The following PLCH1 variants were observed in gnomAD, a reference collection of about 807,000 sequenced individuals.
PLCH1 encodes the protein 1-phosphatidylinositol 4,5-bisphosphate phosphodiesterase eta-1.
In PLCH1, 60 loss-of-function variants were observed where a neutral mutation model predicts 126.7. That is an observed-to-expected ratio of 0.47 (90% confidence interval 0.38 to 0.59). PLCH1 has a LOEUF of 0.59. PLCH1 is among the 20% of genes least tolerant of loss of function. The pLI, the probability that PLCH1 is intolerant of heterozygous loss-of-function variation, is 0.00. For missense variants in PLCH1, 1,723 were observed against 2,040.0 expected, an observed-to-expected ratio of 0.84 and a Z score of 2.99; for synonymous variants, 719 against 734.9, an observed-to-expected ratio of 0.98 and a Z score of 0.35.
intron 14 of PLCH1, among the ~76,000 whole-genome samples, chr3:155,498,285 T>C (rs1287615200): frequency 6.6e-6 from 1 of 152,236 alleles, no homozygotes; most frequent in Non-Finnish European, 1.5e-5. Flanking sequence ...TGCAAAGCAC[T>C]TCCTTGAAGT....
intron 8 of PLCH1, among the ~76,000 whole-genome samples, chr3:155,556,868 A>G (rs560505235): frequency 1.1e-3 from 167 of 152,312 alleles, no homozygotes; most frequent in African/African-American, 3.4e-3. Flanking sequence ...ACGAATCTCA[A>G]TCTCTTGCTT....
At chr3:155,491,374 C>T (rs1716169281) in intron 18 of PLCH1, among the ~76,000 whole-genome samples, 1 of 152,118 alleles carries the variant, frequency 6.6e-6, no homozygotes, top group African/African-American at 2.4e-5. Context: ...AGCCATCCTC[C>T]CACCTCAGCC....
intron 6 of PLCH1, among the ~76,000 whole-genome samples, chr3:155,571,858 A>G (rs1255487921): frequency 1.3e-5 from 2 of 152,204 alleles, no homozygotes; most frequent in African/African-American, 4.8e-5. Flanking sequence ...CAGCATAATT[A>G]TATCATCCAG....
chr3:155,675,239 A>G (rs900069930), intron 2 of PLCH1, among the ~76,000 whole-genome samples: 2 of 152,214 alleles, frequency 1.3e-5, no homozygotes, highest in African/African-American at 4.8e-5. Flanking sequence ...GTAGACGCAT[A>G]TGAATAACCT....
intron 10 of PLCH1, among the ~76,000 whole-genome samples, chr3:155,529,644 C>A (rs755606870): frequency 9.2e-5 from 14 of 152,168 alleles, no homozygotes; most frequent in Non-Finnish European, 1.5e-4. Flanking sequence ...ATCATCTGAA[C>A]CTTTGGCAAA....
chr3:155,474,883 C>T (rs11716230), downstream of PLCH1, among the ~76,000 whole-genome samples: 28,840 of 119,030 alleles, frequency 0.24, 3,820 homozygotes, highest in East Asian at 0.39. Context: ...ACAATGAGAT[C>T]ACATGGACAC....
intron 7 of PLCH1, 48 bp from the exon 8 acceptor site, chr3:155,565,166 C>T: frequency 7.6e-7 from 1 of 1,312,710 alleles, no homozygotes; most frequent in Non-Finnish European, 1.1e-6. Context: ...AGCATATATA[C>T]TTAATGGCTC....
intron 2 of PLCH1, among the ~76,000 whole-genome samples, chr3:155,660,297 C>T (rs1163403090): frequency 2.0e-5 from 3 of 152,212 alleles, no homozygotes; most frequent in Non-Finnish European, 2.9e-5. Flanking sequence ...CTTTTACCAA[C>T]CTATTCTCTC....
chr3:155,633,603 A>T lies in PLCH1; in HGVS notation c.80-37225T>A, dbSNP rs937529418. Among the ~76,000 whole-genome samples the T allele has an allele frequency of 9.8e-5, 15 of 152,314 alleles. 1 individual carries two copies. In the South Asian group the frequency reaches 2.5e-3, roughly 25 times the overall value. ...GTAAATGCTAAGTAGTTGATGAATA[A>T]ATCAAAAGATAAATTATAGCAGAAA... On this transcript the variant is annotated intron_variant, in intron 2 of 22. Transcript: ENST00000460012.
chr3:155,505,524 A>G, intron 12 of PLCH1, among the ~76,000 whole-genome samples: 1 of 152,176 alleles, frequency 6.6e-6, no homozygotes, highest in Admixed American at 6.6e-5. Context: ...GAGAAAAAAC[A>G]GTTAAAGCCA....
intron 6 of PLCH1, among the ~76,000 whole-genome samples, chr3:155,576,593 A>C (rs1729992129): frequency 6.6e-6 from 1 of 152,208 alleles, no homozygotes; most frequent in African/African-American, 2.4e-5. Flanking sequence ...GTGATATTTC[A>C]TTTCACAACT....
rs148958220 is a variant in PLCH1 at position 155,599,931 on chromosome 3, A to G, written c.80-3553T>C. Among the ~76,000 whole-genome samples the G allele has an allele frequency of 3.0e-3, 454 of 152,318 alleles. 3 individuals carry two copies. Among genetic ancestry groups the G allele is most frequent in the African/African-American group, 0.01 (424 of 41,574 alleles). On this transcript the variant is annotated intron_variant, in intron 2 of 22. Coordinates refer to ENST00000460012, the MANE Select transcript of PLCH1 (RefSeq NM_014996.4). ...GAACGGTATATCTGCACATTGTTTT[A>G]GCATAAAATCATATAAATCATATAA... is the stretch of plus-strand genomic sequence containing the variant.
chr3:155,523,256 G>A (rs567872243), intron 11 of PLCH1, among the ~76,000 whole-genome samples: 6 of 152,302 alleles, frequency 3.9e-5, no homozygotes, highest in East Asian at 1.9e-4. Context: ...GATTACAGGC[G>A]TGAGCCACCG....
intron 2 of PLCH1, among the ~76,000 whole-genome samples, chr3:155,644,496 G>A (rs952192052): frequency 5.9e-5 from 9 of 152,096 alleles, no homozygotes; most frequent in South Asian, 2.1e-4. Context: ...CCAACTACTC[G>A]GGAGGCTAAG....
rs558805653 is a variant in PLCH1 at position 155,551,321 on chromosome 3, G to A, written c.1191-1363C>T. Reference sequence around the variant, plus strand: ...TTAGCCAGGCATTGTGGCACGTGCCGGTAATCCCAGATACTCAGGAGGCTG... The same window carrying A: ...TTAGCCAGGCATTGTGGCACGTGCCAGTAATCCCAGATACTCAGGAGGCTG... On this transcript the variant is annotated intron_variant, in intron 9 of 22. Transcript: ENST00000460012. 1.1e-4 allele frequency among the ~76,000 whole-genome samples: 16 copies of A among 151,470 alleles called. No individual in the cohort carries two copies. The South Asian group carries it at 1.7e-3, about 16-fold the overall frequency.
intron 2 of PLCH1, among the ~76,000 whole-genome samples, chr3:155,683,116 T>C (rs358899): frequency 0.2 from 30,679 of 152,142 alleles, 3,473 homozygotes; most frequent in East Asian, 0.45. Context: ...TTTAAGCATC[T>C]GAATCTCAAA....
intron 21 of PLCH1, among the ~76,000 whole-genome samples, chr3:155,468,462 A>G (rs560087497): frequency 6.6e-6 from 1 of 152,276 alleles, no homozygotes; most frequent in African/African-American, 2.4e-5. Flanking sequence ...TGAATAATGA[A>G]AAACAAGACC....
At position 155,733,870 on chromosome 3, in the gene PLCH1, A is replaced by ATTTGTTTT. The variant is rs1358492276; in HGVS notation, c.-41+10969_-41+10970insAAAACAAA. Among the ~76,000 whole-genome samples, 6 of 148,140 alleles carry ATTTGTTTT rather than the reference A, an allele frequency of 4.1e-5. No individual in the cohort carries two copies. In the East Asian group the frequency reaches 1.2e-3, roughly 29 times the overall value. ...CCAGAAAACAAATAACCTGATCTGA[A>ATTTGTTTT]GATAGGCAAAGGACCTAGATAGATA... is the stretch of plus-strand genomic sequence containing the variant. On this transcript the variant is annotated intron_variant, in intron 1 of 22. Coordinates refer to ENST00000460012, the MANE Select transcript of PLCH1 (RefSeq NM_014996.4).
chr3:155,622,809 C>G (rs1181995890), intron 2 of PLCH1, among the ~76,000 whole-genome samples: 1 of 152,056 alleles, frequency 6.6e-6, no homozygotes, highest in Non-Finnish European at 1.5e-5. Context: ...CACAGAATAA[C>G]AGTGGGAGAC....
Sources: gnomAD v4.1 joint callset for allele counts (sites outside exome capture counted in the v4.1 genomes callset) on GRCh38, gnomAD v4.1.1 for gene constraint, MANE v1.5 for transcripts, NCBI Gene and HGNC (gene_info 2026-07-23, HGNC 2026-07-21) for gene names.